The following DOCK2 variants were observed in gnomAD, a reference collection of about 807,000 sequenced individuals.
DOCK2 encodes the protein dedicator of cytokinesis 2.
In DOCK2, 87 loss-of-function variants were observed where a neutral mutation model predicts 248.9. The ratio of observed to expected loss-of-function variants is 0.35; its 90% CI spans 0.29 to 0.42. The LOEUF is 0.42. Among genes scored for constraint, DOCK2 ranks in the 10% least tolerant of loss-of-function variants. DOCK2 has a pLI of 1.00. For synonymous variants in DOCK2, 805 were observed against 821.6 expected, an observed-to-expected ratio of 0.98 and a Z score of 0.35; for missense variants, 1,747 against 2,300.2, an observed-to-expected ratio of 0.76 and a Z score of 4.92.
intron 1 of DOCK2, among the ~76,000 whole-genome samples, chr5:169,644,245 A>T (rs1757321853): frequency 6.6e-6 from 1 of 152,148 alleles, no homozygotes; most frequent in South Asian, 2.1e-4. Context: ...TTTTAAGAGG[A>T]TTGAACATAG....
intron 38 of DOCK2, among the ~76,000 whole-genome samples, chr5:170,042,513 C>T (rs1397605775): frequency 6.6e-6 from 1 of 152,222 alleles, no homozygotes; most frequent in Non-Finnish European, 1.5e-5. Context: ...GCCCATGAGG[C>T]CCCACATGAG....
At chr5:170,076,794 A>AT (rs889977899) in intron 47 of DOCK2, among the ~76,000 whole-genome samples, 2 of 152,062 alleles carry the variant, frequency 1.3e-5, no homozygotes, top group Admixed American at 1.3e-4. Context: ...TGATTCAAAG[A>AT]TTTTTTTCCA....
chr5:170,079,971 G>T, intron 49 of DOCK2, 192 bp from the exon 50 acceptor site: 1 of 825,684 alleles, frequency 1.2e-6, no homozygotes, highest in Non-Finnish European at 1.8e-6. Context: ...CTGTAGTTGT[G>T]TAGTGTGCAA....
chr5:169,677,739 G>A (rs1759414752), intron 6 of DOCK2, among the ~76,000 whole-genome samples: 2 of 152,226 alleles, frequency 1.3e-5, no homozygotes, highest in African/African-American at 4.8e-5. Flanking sequence ...GCTGCTCGCT[G>A]CTTGCAAAGC....
At chr5:170,068,921 C>T (rs541134520) in intron 45 of DOCK2, among the ~76,000 whole-genome samples, 146 of 152,266 alleles carry the variant, frequency 9.6e-4, no homozygotes, top group African/African-American at 3.3e-3. Flanking sequence ...GAACAGCTTC[C>T]CCAGAGTTTG....
intron 27 of DOCK2, among the ~76,000 whole-genome samples, chr5:169,863,772 G>A (rs1771355815): frequency 6.6e-6 from 1 of 152,204 alleles, no homozygotes; most frequent in African/African-American, 2.4e-5. Context: ...CTTCTCTTGT[G>A]CTTATTATGT....
chr5:169,824,325 A>G (rs1768692048), intron 26 of DOCK2, among the ~76,000 whole-genome samples: 1 of 152,246 alleles, frequency 6.6e-6, no homozygotes, highest in African/African-American at 2.4e-5. Context: ...GATATTCCTA[A>G]GCCAAAAGAA....
intron 6 of DOCK2, among the ~76,000 whole-genome samples, chr5:169,680,926 T>C (rs920813862): frequency 3.3e-5 from 5 of 152,030 alleles, no homozygotes; most frequent in Non-Finnish European, 7.4e-5. Context: ...TGTTTATTTG[T>C]TTTATTGTTA....
At chr5:169,755,966 C>T (rs1323479394) in intron 23 of DOCK2, among the ~76,000 whole-genome samples, 5 of 152,132 alleles carry the variant, frequency 3.3e-5, no homozygotes, top group South Asian at 2.1e-4. Context: ...AAATGCTGAC[C>T]GTGACAACAG....
rs111261372 is a variant in DOCK2 at position 169,996,230 on chromosome 5, T to A, written c.3072+66T>A. ...GGCGTCTCTGACATTCTGGGCTGAT[T>A]GCTCCATCAGACACATCCCAAAGGC... On this transcript the variant is annotated intron_variant, in intron 30 of 51. Coordinates refer to ENST00000520908, the MANE Select transcript of DOCK2 (RefSeq NM_004946.3). 1.3e-5 allele frequency: 20 copies of A among 1,529,334 alleles called. No individual in the cohort carries two copies. The African/African-American group carries it at 1.9e-4, about 15-fold the overall frequency. 94.7% of individuals were successfully genotyped at this position (1,529,334 alleles called of 1,614,324 possible). A position where few individuals can be genotyped will look rare whatever the true frequency, so the allele number is the denominator to read the frequency against.
intron 24 of DOCK2, among the ~76,000 whole-genome samples, chr5:169,760,859 G>A (rs932842936): frequency 6.6e-6 from 1 of 152,122 alleles, no homozygotes; most frequent in Non-Finnish European, 1.5e-5. Context: ...ATAAGTCCTT[G>A]AAAGAATAAA....
At chr5:169,752,927 T>C (rs898950769) in intron 23 of DOCK2, among the ~76,000 whole-genome samples, 3 of 151,870 alleles carry the variant, frequency 2.0e-5, no homozygotes, top group Non-Finnish European at 4.4e-5. Context: ...TAGCTGGGCG[T>C]GGTGGCGGGT....
intron 27 of DOCK2, among the ~76,000 whole-genome samples, chr5:169,867,447 A>G (rs261025): frequency 0.69 from 103,386 of 150,836 alleles, 36,395 homozygotes; most frequent in African/African-American, 0.83. Flanking sequence ...CTATCTATCT[A>G]TCTGTCTGTC....
intron 23 of DOCK2, among the ~76,000 whole-genome samples, chr5:169,748,204 C>T (rs1763716809): frequency 6.6e-6 from 1 of 151,150 alleles, no homozygotes; most frequent in African/African-American, 2.4e-5. Flanking sequence ...CTTTTAGATG[C>T]TAATTTAAAG....
In DOCK2 at chr5:169,951,012, C is replaced by T. The variant is rs112747034; in HGVS notation, c.2800-32056C>T. 5.3e-5 allele frequency among the ~76,000 whole-genome samples: 8 copies of T among 152,242 alleles called. No individual in the cohort carries two copies. The East Asian group carries it at 5.8e-4, about 11-fold the overall frequency. On this transcript the variant is annotated intron_variant, in intron 27 of 51. Coordinates refer to ENST00000520908, the MANE Select transcript of DOCK2 (RefSeq NM_004946.3). ...TAAACATTTAGATTTCCAGCTGCTC[C>T]GAAGTCAGATTAGCCAGCGTCACCG... is the stretch of plus-strand genomic sequence containing the variant.
intron 26 of DOCK2, among the ~76,000 whole-genome samples, chr5:169,821,400 C>T (rs1468890490): frequency 6.6e-6 from 1 of 152,284 alleles, no homozygotes; most frequent in East Asian, 1.9e-4. Flanking sequence ...AAGGGAAGCC[C>T]ATCAGACTAA....
intron 29 of DOCK2, among the ~76,000 whole-genome samples, chr5:169,990,459 C>G (rs1778175361): frequency 6.6e-6 from 1 of 151,548 alleles, no homozygotes; most frequent in Non-Finnish European, 1.5e-5. Context: ...CAGCTGGCTG[C>G]AGGATCCCGA....
chr5:169,958,558 A>C (rs1177177214), intron 27 of DOCK2, among the ~76,000 whole-genome samples: 2 of 147,970 alleles, frequency 1.4e-5, no homozygotes, highest in African/African-American at 5.1e-5. Flanking sequence ...ATAGAGGACA[A>C]AAGGGGTGCT....
intron 40 of DOCK2, among the ~76,000 whole-genome samples, chr5:170,049,007 C>T (rs376755653): frequency 6.6e-5 from 10 of 152,270 alleles, no homozygotes; most frequent in South Asian, 6.2e-4. Context: ...TGCCATGAGC[C>T]GCAGAGAGGG....
Sources: allele counts gnomAD v4.1 joint callset (sites outside exome capture counted in the v4.1 genomes callset), GRCh38; gene constraint gnomAD v4.1.1; transcripts MANE v1.5; gene names NCBI Gene and HGNC (gene_info 2026-07-23, HGNC 2026-07-21).